The following ZBTB20 variants were observed in gnomAD, a reference collection of about 807,000 sequenced individuals.
The protein encoded by ZBTB20 is zinc finger and BTB domain-containing protein 20.
In ZBTB20, 9 loss-of-function variants were observed where a neutral mutation model predicts 56.9. That is an observed-to-expected ratio of 0.16 (90% confidence interval 0.10 to 0.28). The LOEUF (loss-of-function observed/expected upper bound fraction) is 0.28, where lower values mean the gene tolerates loss of function less well. Ranked by LOEUF, ZBTB20 falls within the 10% of genes least tolerant of loss-of-function variation. ZBTB20 has a pLI of 1.00. For synonymous variants in ZBTB20, 417 were observed against 420.7 expected (o/e 0.99, Z 0.11); for missense variants, 655 against 1,003.0 (o/e 0.65, Z 4.69).
chr3:115,034,494 G>A (rs1486260046), intron 2 of ZBTB20, among the ~76,000 whole-genome samples: 4 of 151,732 alleles, frequency 2.6e-5, no homozygotes, highest in Non-Finnish European at 5.9e-5. Flanking sequence ...ATATACAGTA[G>A]TATCACAAAG....
chr3:114,360,120 G>C (rs76915973), intron 10 of ZBTB20, among the ~76,000 whole-genome samples: 2 of 150,162 alleles, frequency 1.3e-5, no homozygotes, highest in African/African-American at 4.9e-5. Context: ...AAAAAAAAAA[G>C]CTTTCTGGCA....
chr3:114,738,510 C>T (rs1387351127), intron 5 of ZBTB20, among the ~76,000 whole-genome samples: 3 of 152,128 alleles, frequency 2.0e-5, no homozygotes, highest in Admixed American at 1.3e-4. Context: ...AATGGGGATG[C>T]TTCTTGCTTA....
chr3:114,917,864 A>T (rs2075806703), intron 3 of ZBTB20, among the ~76,000 whole-genome samples: 1 of 152,066 alleles, frequency 6.6e-6, no homozygotes. Flanking sequence ...CAGAAGGCCC[A>T]CTATAACCAC....
chr3:114,326,430 C>T lies in ZBTB20; in HGVS notation c.*12575G>A, dbSNP rs923396747. The T allele has an allele frequency of 6.6e-6, 1 of 152,064 alleles. No individual in the cohort carries two copies. Among genetic ancestry groups the T allele is most frequent in the African/African-American group, 2.4e-5 (1 of 41,406 alleles). 9.4% of individuals were successfully genotyped at this position (152,064 alleles called of 1,614,324 possible). ...TATCCTCAAAGTAAAGAGAGAATTT[C>T]TCTCTTAAAAGCTCATGAGTGCTAT... On this transcript the variant is annotated 3_prime_UTR_variant, in exon 12 of 12. Coordinates refer to ENST00000675478, the MANE Select transcript of ZBTB20 (RefSeq NM_001348800.3).
At chr3:114,973,916 T>G (rs79388633) in intron 3 of ZBTB20, among the ~76,000 whole-genome samples, 2,057 of 152,248 alleles carry the variant, frequency 0.014, 38 homozygotes, top group South Asian at 0.075. Flanking sequence ...CTGAAGAGTT[T>G]CAATGTCCCC....
In ZBTB20 at chr3:114,360,054, A is replaced by G. The variant is rs1295593135; in HGVS notation, c.200-8176T>C. On this transcript the variant is annotated intron_variant, in intron 10 of 11. Transcript: ENST00000675478. ...AGAAACTGATTTTTTGACTTTGGGA[A>G]AACTTTTCTCTGGACTTAAACGAGT... Among the ~76,000 whole-genome samples the G allele has an allele frequency of 2.0e-5, 3 of 152,236 alleles. No homozygotes were observed. The East Asian group carries it at 5.8e-4, about 29-fold the overall frequency.
intron 6 of ZBTB20, chr3:114,599,335 C>T: frequency 6.6e-6 from 1 of 152,068 alleles, no homozygotes; most frequent in East Asian, 1.9e-4. Context: ...TGTCTTAGAA[C>T]TTCTTCAAAG....
At position 114,931,734 on chromosome 3, in the gene ZBTB20, T is replaced by C. The variant is rs560210994; in HGVS notation, c.-455-31392A>G. 2.6e-5 allele frequency among the ~76,000 whole-genome samples: 4 copies of C among 152,154 alleles called. No homozygotes were observed. In the South Asian group the frequency reaches 8.3e-4, roughly 32 times the overall value. On this transcript the variant is annotated intron_variant, in intron 3 of 11. Coordinates refer to ENST00000675478, the MANE Select transcript of ZBTB20 (RefSeq NM_001348800.3). ...TTTTTTAGTTTGGTTTTTCTCAACA[T>C]GCCTTTAAAAGCTTTTAAATTGGTT...
chr3:114,360,329 G>A (rs918603588), intron 10 of ZBTB20, among the ~76,000 whole-genome samples: 5 of 142,966 alleles, frequency 3.5e-5, no homozygotes, highest in Admixed American at 1.5e-4. Flanking sequence ...TGGTAGGAGG[G>A]GAATGCAAGA....
At chr3:114,378,691 GC>G (rs1431790786) in intron 10 of ZBTB20, among the ~76,000 whole-genome samples, 1 of 152,212 alleles carries the variant, frequency 6.6e-6, no homozygotes, top group East Asian at 1.9e-4. Flanking sequence ...GAAACTCCAG[GC>G]CCTTCACCAC....
intron 5 of ZBTB20, among the ~76,000 whole-genome samples, chr3:114,726,551 C>T (rs998639368): frequency 1.3e-5 from 2 of 152,142 alleles, no homozygotes; most frequent in African/African-American, 4.8e-5. Flanking sequence ...GCCTAAGAAT[C>T]TGCATTTCTA....
At chr3:114,582,281 T>TA (rs2054712089) in intron 6 of ZBTB20, 1 of 152,130 alleles carries the variant, frequency 6.6e-6, no homozygotes, top group South Asian at 2.1e-4. Context: ...AATAAAATAA[T>TA]AAAAAATAGG....
At chr3:114,978,827 T>C (rs1284941662) in intron 2 of ZBTB20, among the ~76,000 whole-genome samples, 1 of 151,972 alleles carries the variant, frequency 6.6e-6, no homozygotes, top group Admixed American at 6.6e-5. Context: ...AACAAATTAC[T>C]TTTTATAAAC....
chr3:114,676,926 C>G (rs2061664123), intron 6 of ZBTB20, among the ~76,000 whole-genome samples: 1 of 152,080 alleles, frequency 6.6e-6, no homozygotes, highest in Non-Finnish European at 1.5e-5. Context: ...AGGTGTGCAA[C>G]ACCACGCCCA....
chr3:114,385,966 G>A (rs1293308455), intron 8 of ZBTB20, among the ~76,000 whole-genome samples: 3 of 152,216 alleles, frequency 2.0e-5, no homozygotes, highest in African/African-American at 7.2e-5. Context: ...AACAATGTTA[G>A]GACCAGCAAT....
At chr3:115,082,105 G>A (rs972029444) in intron 1 of ZBTB20, among the ~76,000 whole-genome samples, 1 of 152,156 alleles carries the variant, frequency 6.6e-6, no homozygotes, top group Non-Finnish European at 1.5e-5. Context: ...TGAAAAACCT[G>A]CACTATTCCT....
chr3:114,769,424 T>A (rs1040388473), intron 5 of ZBTB20, among the ~76,000 whole-genome samples: 35 of 151,214 alleles, frequency 2.3e-4, no homozygotes, highest in African/African-American at 8.0e-4. Flanking sequence ...TATTCCATCA[T>A]ATATATATGC....
At chr3:114,673,582 A>C (rs2061474750) in intron 6 of ZBTB20, among the ~76,000 whole-genome samples, 1 of 152,142 alleles carries the variant, frequency 6.6e-6, no homozygotes, top group African/African-American at 2.4e-5. Context: ...AAAGGGTGAA[A>C]ATTAAGATAA....
At chr3:114,909,273 T>TA (rs988685913) in intron 3 of ZBTB20, among the ~76,000 whole-genome samples, 12 of 151,436 alleles carry the variant, frequency 7.9e-5, no homozygotes, top group African/African-American at 2.9e-4. Flanking sequence ...TTTAAAAAGT[T>TA]AAAAAAAATT....
Sources: allele counts gnomAD v4.1 joint callset (sites outside exome capture counted in the v4.1 genomes callset), GRCh38; gene constraint gnomAD v4.1.1; transcripts MANE v1.5; gene names NCBI Gene and HGNC (gene_info 2026-07-23, HGNC 2026-07-21).